Variants in RBFOX1 observed in about 807,000 individuals in gnomAD.
RBFOX1 encodes RNA binding protein fox-1 homolog 1.
In RBFOX1, 8 loss-of-function variants were observed where a neutral mutation model predicts 57.7. The ratio of observed to expected loss-of-function variants is 0.14; its 90% CI spans 0.08 to 0.25. The LOEUF (loss-of-function observed/expected upper bound fraction) is 0.25. Among genes scored for constraint, RBFOX1 ranks in the 10% least tolerant of loss-of-function variants. The pLI is 1.00. For missense variants in RBFOX1, 611 were observed against 548.5 expected, an observed-to-expected ratio of 1.11 and a Z score of -1.14; for synonymous variants, 326 against 222.4, an observed-to-expected ratio of 1.47 and a Z score of -4.15.
chr16:6,025,006 T>C (rs1032404203), intron 1 of RBFOX1, among the ~76,000 whole-genome samples: 1 of 152,142 alleles, frequency 6.6e-6, no homozygotes, highest in African/African-American at 2.4e-5. Flanking sequence ...AATCATACAG[T>C]TGAAGGTTGG....
chr16:7,603,330 C>T (rs542018612), intron 9 of RBFOX1, among the ~76,000 whole-genome samples: 2 of 152,224 alleles, frequency 1.3e-5, no homozygotes, highest in African/African-American at 4.8e-5. Context: ...CTTACTTTGC[C>T]AAACAACATT....
intron 4 of RBFOX1, among the ~76,000 whole-genome samples, chr16:7,258,695 G>C (rs1412711318): frequency 6.6e-6 from 1 of 152,106 alleles, no homozygotes; most frequent in Non-Finnish European, 1.5e-5. Flanking sequence ...AAAGGTCATG[G>C]TTGCTGTTCT....
At chr16:7,305,842 C>G (rs56003843) in intron 4 of RBFOX1, among the ~76,000 whole-genome samples, 7 of 152,150 alleles carry the variant, frequency 4.6e-5, no homozygotes, top group Non-Finnish European at 8.8e-5. Flanking sequence ...GTAAATCGTG[C>G]CAGAAGACAT....
At chr16:7,222,626 G>A (rs960950507) in intron 4 of RBFOX1, among the ~76,000 whole-genome samples, 8 of 152,200 alleles carry the variant, frequency 5.3e-5, no homozygotes, top group Admixed American at 4.6e-4. Flanking sequence ...CTTATGATCT[G>A]TGTGCATTTA....
chr16:7,127,826 C>T (rs966581797), intron 4 of RBFOX1, among the ~76,000 whole-genome samples: 2 of 152,158 alleles, frequency 1.3e-5, no homozygotes, highest in Non-Finnish European at 2.9e-5. Context: ...GAGCAAAGGT[C>T]GTTTGCAAGC....
At chr16:5,872,533 C>T (rs928329791) in intron 4 of RBFOX1, among the ~76,000 whole-genome samples, 1 of 151,674 alleles carries the variant, frequency 6.6e-6, no homozygotes, top group Non-Finnish European at 1.5e-5. Context: ...GAGTTCGAGA[C>T]CAGCCTGGGC....
chr16:6,790,184 T>TATTAG (rs1567254927), intron 3 of RBFOX1, among the ~76,000 whole-genome samples: 1 of 147,168 alleles, frequency 6.8e-6, no homozygotes, highest in African/African-American at 2.5e-5. Context: ...ATTATTATTA[T>TATTAG]TATTATTATT....
chr16:7,679,350 G>A (rs1396153080), intron 14 of RBFOX1, among the ~76,000 whole-genome samples: 3 of 152,152 alleles, frequency 2.0e-5, no homozygotes, highest in Admixed American at 6.5e-5. Flanking sequence ...TATCATCACA[G>A]CATAGAATCA....
chr16:7,100,689 A>C (rs1240685104), intron 4 of RBFOX1, among the ~76,000 whole-genome samples: 1 of 151,960 alleles, frequency 6.6e-6, no homozygotes, highest in African/African-American at 2.4e-5. Flanking sequence ...GAACAATAAC[A>C]ACTTTAAAAA....
chr16:5,532,473 C>T (rs2044524956), intron 2 of RBFOX1, among the ~76,000 whole-genome samples: 1 of 152,196 alleles, frequency 6.6e-6, no homozygotes, highest in South Asian at 2.1e-4. Flanking sequence ...ACAAGACCCC[C>T]TGGTGAGTCA....
At chr16:6,581,104 T>G (rs2097531151) in intron 2 of RBFOX1, among the ~76,000 whole-genome samples, 1 of 152,186 alleles carries the variant, frequency 6.6e-6, no homozygotes. Flanking sequence ...TTTTGAGTTA[T>G]CCCCATATAC....
upstream of RBFOX1, chr16:6,019,014 C>G (rs1410697649): frequency 1.5e-5 from 13 of 857,528 alleles, no homozygotes; most frequent in Non-Finnish European, 1.8e-5. The surrounding 1 kb of genome is among the most constrained non-coding windows in gnomAD (Gnocchi z 4.2). Context: ...GGGGCGCTCC[C>G]TCGCGCACCA....
chr16:6,084,985 A>T (rs1488094317), intron 1 of RBFOX1, among the ~76,000 whole-genome samples: 2 of 152,152 alleles, frequency 1.3e-5, no homozygotes, highest in Non-Finnish European at 2.9e-5. Flanking sequence ...TCATTTGCAG[A>T]AGTGGTTTCC....
chr16:5,791,426 A>G (rs769445454), intron 3 of RBFOX1, among the ~76,000 whole-genome samples: 10 of 152,146 alleles, frequency 6.6e-5, no homozygotes, highest in Non-Finnish European at 1.3e-4. Context: ...TCTTACAGCA[A>G]TCCTAGGATC....
At chr16:6,597,272 A>C (rs983021405) in intron 2 of RBFOX1, among the ~76,000 whole-genome samples, 2 of 152,114 alleles carry the variant, frequency 1.3e-5, no homozygotes, top group African/African-American at 2.4e-5. Flanking sequence ...GTTTTGCAGT[A>C]ATGTGTGCCA....
intron 4 of RBFOX1, among the ~76,000 whole-genome samples, chr16:7,211,174 G>T (rs1474663257): frequency 6.6e-6 from 1 of 151,498 alleles, no homozygotes; most frequent in East Asian, 1.9e-4. Flanking sequence ...GGGGGATCAT[G>T]AGGTCAGGAG....
At chr16:5,265,305 C>G (rs2062831034) in intron 1 of RBFOX1, among the ~76,000 whole-genome samples, 1 of 151,036 alleles carries the variant, frequency 6.6e-6, no homozygotes, top group Non-Finnish European at 1.5e-5. Context: ...AACGGTACAG[C>G]CATGAACCAC....
chr16:7,675,408 CAAAA>C (rs369307640), intron 13 of RBFOX1, among the ~76,000 whole-genome samples: 1 of 126,316 alleles, frequency 7.9e-6, no homozygotes, highest in African/African-American at 2.8e-5. Context: ...TTAAGGGAAA[CAAAA>C]AAAAAAAAAA....
At chr16:5,429,225 C>G (rs2067656143) in intron 1 of RBFOX1, among the ~76,000 whole-genome samples, 1 of 152,172 alleles carries the variant, frequency 6.6e-6, no homozygotes, top group Non-Finnish European at 1.5e-5. Flanking sequence ...TTTGCTTAAG[C>G]CAGTGACTCG....
Sources: gnomAD v4.1 joint callset for allele counts (sites outside exome capture counted in the v4.1 genomes callset) on GRCh38, gnomAD v4.1.1 for gene constraint, Gnocchi (gnomAD v3.1) non-coding constraint, MANE v1.5 for transcripts, NCBI Gene and HGNC (gene_info 2026-07-23, HGNC 2026-07-21) for gene names.